PANK2: variants seen among roughly 807,000 people sequenced by gnomAD.
PANK2 encodes the protein pantothenate kinase 2, mitochondrial.
A neutral mutation model predicts 43.1 loss-of-function variants in PANK2; 36 were observed. The observed-to-expected ratio is 0.84, with a 90% CI of 0.64 to 1.10. PANK2 has a LOEUF of 1.10. PANK2 is among the 50% of genes least tolerant of loss of function. The pLI is 0.00. For synonymous variants in PANK2, 281 were observed against 238.2 expected (o/e 1.18, Z -1.66); for missense variants, 576 against 593.3 (o/e 0.97, Z 0.30).
intron 1 of PANK2, among the ~76,000 whole-genome samples, chr20:3,894,518 G>A (rs914904883): frequency 1.3e-5 from 2 of 152,148 alleles, no homozygotes; most frequent in Non-Finnish European, 2.9e-5. Context: ...GGGATTACAG[G>A]TGTGAGCCAC....
At chr20:3,895,534 G>T (rs1356560677) in intron 1 of PANK2, among the ~76,000 whole-genome samples, 1 of 149,592 alleles carries the variant, frequency 6.7e-6, no homozygotes, top group Non-Finnish European at 1.5e-5. Context: ...AAAAATAGGA[G>T]GAGGAAGATA....
intron 5 of PANK2, chr20:3,917,656 T>A (rs1235027794): frequency 8.6e-6 from 2 of 233,608 alleles, no homozygotes; most frequent in Non-Finnish European, 2.0e-5. Context: ...GTTGTTAAAT[T>A]ATTCTTTTAT....
intron 1 of PANK2, among the ~76,000 whole-genome samples, chr20:3,894,767 C>G (rs771348448): frequency 1.2e-4 from 18 of 151,906 alleles, no homozygotes; most frequent in African/African-American, 4.4e-4. Flanking sequence ...TAAGTGGAAC[C>G]AAAGTAAATA....
At chr20:3,901,703 T>G (rs914127433) in intron 1 of PANK2, 1 of 670,918 alleles carries the variant, frequency 1.5e-6, no homozygotes, top group African/African-American at 2.0e-5. Flanking sequence ...AAAAAAAAGT[T>G]TCTTAAAGCT....
In PANK2 at chr20:3,910,624, C is replaced by A; in HGVS notation, c.699C>A (p.Ile233=). The change falls in exon 3 of 7, where the codon ATC becomes ATA. Residue 233 remains isoleucine, a synonymous_variant. Transcript: ENST00000610179. ...AACTGGATGAACTAGATTGCTTGAT[C>A]AAAGGAATTTTATACATTGACTCAG... 6.2e-7 allele frequency: 1 copy of A among 1,614,070 alleles called. No homozygotes were observed. Among genetic ancestry groups the A allele is most frequent in the South Asian group, 1.1e-5 (1 of 91,064 alleles).
At chr20:3,908,789 C>T (rs1290765355) in intron 2 of PANK2, 1 of 199,856 alleles carries the variant, frequency 5.0e-6, no homozygotes, top group African/African-American at 2.4e-5. Context: ...TCCCAGAATG[C>T]TTTCTGATGT....
chr20:3,911,999 A>T (rs1450170929), intron 3 of PANK2, among the ~76,000 whole-genome samples: 1 of 152,170 alleles, frequency 6.6e-6, no homozygotes, highest in African/African-American at 2.4e-5. Flanking sequence ...CAATTTTTTT[A>T]AAAAAACAGT....
chr20:3,888,961 G>T (rs2090058773), upstream of PANK2: 45 of 642,674 alleles, frequency 7.0e-5, no homozygotes, highest in South Asian at 2.3e-4. Context: ...GACGCTGCGG[G>T]AGCACTGCTG....
chr20:3,889,260 A>G (rs2146803538), upstream of PANK2: 1 of 1,612,526 alleles, frequency 6.2e-7, no homozygotes, highest in Non-Finnish European at 8.5e-7. Context: ...GGACGGAGGC[A>G]CGGTCAATCC....
At chr20:3,890,411 G>A (rs1394119509) in intron 1 of PANK2, among the ~76,000 whole-genome samples, 1 of 152,186 alleles carries the variant, frequency 6.6e-6, no homozygotes, top group African/African-American at 2.4e-5. Context: ...TGCCTTGGGA[G>A]TTGCATACGC....
intron 6 of PANK2, among the ~76,000 whole-genome samples, chr20:3,919,980 TCTAA>T (rs1477017839): frequency 3.3e-5 from 5 of 152,336 alleles, no homozygotes; most frequent in East Asian, 1.9e-4. Context: ...ATTGAAGTCA[TCTAA>T]CTTAGTTTTA....
chr20:3,889,230 C>A (rs1450110937), upstream of PANK2: 1 of 1,613,290 alleles, frequency 6.2e-7, no homozygotes, highest in Non-Finnish European at 8.5e-7. Context: ...CTCCCCGCCC[C>A]GTCACGATAG....
chr20:3,892,933 G>A (rs1436121537), intron 1 of PANK2, among the ~76,000 whole-genome samples: 1 of 152,030 alleles, frequency 6.6e-6, no homozygotes, highest in Admixed American at 6.6e-5. Context: ...CAAAAGTTTT[G>A]CATCAGGTGG....
At chr20:3,912,218 C>T (rs1381966421) in intron 3 of PANK2, among the ~76,000 whole-genome samples, 1 of 152,180 alleles carries the variant, frequency 6.6e-6, no homozygotes, top group East Asian at 1.9e-4. Context: ...ACTTGGCAGA[C>T]AGCCAGACTG....
At chr20:3,912,364 A>T in intron 3 of PANK2, 94 bp from the exon 4 acceptor site, 2 of 1,339,726 alleles carry the variant, frequency 1.5e-6, no homozygotes, top group Non-Finnish European at 2.1e-6. Context: ...ATTGGGTTGG[A>T]TATGTGAATA....
intron 4 of PANK2, among the ~76,000 whole-genome samples, chr20:3,916,310 A>G (rs1239643115): frequency 6.6e-6 from 1 of 152,250 alleles, no homozygotes; most frequent in Non-Finnish European, 1.5e-5. Flanking sequence ...ATATGTATAC[A>G]TGCTTGTTTA....
intron 1 of PANK2, among the ~76,000 whole-genome samples, chr20:3,895,329 G>A (rs575336681): frequency 5.9e-5 from 9 of 151,852 alleles, no homozygotes; most frequent in South Asian, 2.1e-4. Flanking sequence ...GCAGAATGTC[G>A]TGGCACATGG....
chr20:3,913,790 A>ATTTT (rs57042549), intron 4 of PANK2, among the ~76,000 whole-genome samples: 11 of 138,478 alleles, frequency 7.9e-5, no homozygotes, highest in Admixed American at 1.5e-4. Context: ...ATATATATAT[A>ATTTT]TTTTTTTTTT....
chr20:3,888,943 AGC>A, upstream of PANK2: 6 of 576,056 alleles, frequency 1.0e-5, no homozygotes, highest in South Asian at 5.4e-5. Flanking sequence ...GCCGACGACC[AGC>A]GGCCAGACGC....
Sources: gnomAD v4.1 joint callset for allele counts (sites outside exome capture counted in the v4.1 genomes callset) on GRCh38, gnomAD v4.1.1 for gene constraint, MANE v1.5 for transcripts, NCBI Gene and HGNC (gene_info 2026-07-23, HGNC 2026-07-21) for gene names.